Variants in MECOM observed in about 807,000 individuals in gnomAD.
MECOM encodes the protein MDS1 and EVI1 complex locus.
A neutral mutation model predicts 116.3 loss-of-function variants in MECOM; 13 were observed. The observed-to-expected ratio is 0.11, with a 90% CI of 0.07 to 0.18. The LOEUF (loss-of-function observed/expected upper bound fraction) is 0.18, where lower values mean the gene tolerates loss of function less well. Among genes scored for constraint, MECOM ranks in the 10% least tolerant of loss-of-function variants. The pLI is 1.00. For synonymous variants in MECOM, 528 were observed against 535.2 expected (o/e 0.99, Z 0.19); for missense variants, 1,299 against 1,509.0 (o/e 0.86, Z 2.31).
chr3:169,631,573 T>G (rs1057001103), intron 1 of MECOM, among the ~76,000 whole-genome samples: 1 of 150,658 alleles, frequency 6.6e-6, no homozygotes, highest in Non-Finnish European at 1.5e-5. Context: ...AACTCGTCAT[T>G]TAGCATTAGG....
chr3:169,325,838 T>A (rs1721744821), intron 2 of MECOM, among the ~76,000 whole-genome samples: 1 of 152,210 alleles, frequency 6.6e-6, no homozygotes, highest in South Asian at 2.1e-4. Flanking sequence ...TAAAGATCCA[T>A]GAAGTTGCGT....
chr3:169,366,380 A>C (rs1166625812), intron 2 of MECOM, among the ~76,000 whole-genome samples: 1 of 151,882 alleles, frequency 6.6e-6, no homozygotes, highest in Non-Finnish European at 1.5e-5. Flanking sequence ...AATTGCAATA[A>C]TACTACCTCA....
rs1005673341 is a variant in MECOM at position 169,084,904 on chromosome 3, T to C, written c.*5A>G. On this transcript the variant is annotated 3_prime_UTR_variant, in exon 17 of 17. Coordinates refer to ENST00000651503, the MANE Select transcript of MECOM (RefSeq NM_004991.4). ...TTGGTCCCACTCTGGTCAACCTTGA[T>C]AACGTCATACGTGGCTTATGGACTG... 18 of 1,613,892 alleles carry C rather than the reference T, an allele frequency of 1.1e-5. No homozygotes were observed. Among genetic ancestry groups the C allele is most frequent in the Non-Finnish European group, 1.4e-5 (17 of 1,179,954 alleles).
rs114636982 is a variant in MECOM at position 169,106,394 on chromosome 3, G to A, written c.2604+1532C>T. On this transcript the variant is annotated intron_variant, in intron 10 of 16. Transcript: ENST00000651503. ...ATACAACGTGAAATAATCATATCAC[G>A]GAGAATGGAATATTCATCCCCTCAA... Among the ~76,000 whole-genome samples the A allele has an allele frequency of 4.7e-3, 714 of 152,106 alleles. 9 individuals are homozygous for A. Among genetic ancestry groups the A allele is most frequent in the African/African-American group, 0.017 (686 of 41,528 alleles).
chr3:169,592,101 G>C (rs1766492466), intron 1 of MECOM, among the ~76,000 whole-genome samples: 1 of 152,138 alleles, frequency 6.6e-6, no homozygotes, highest in Admixed American at 6.5e-5. Flanking sequence ...CCTTCAACCA[G>C]TCTCGCTCTT....
intron 1 of MECOM, among the ~76,000 whole-genome samples, chr3:169,528,761 C>T (rs934916860): frequency 3.3e-5 from 5 of 152,182 alleles, no homozygotes; most frequent in East Asian, 3.8e-4. Context: ...AACTGGTTTG[C>T]GTTTCAGAAT....
chr3:169,658,915 T>C (rs1331312935), intron 1 of MECOM, among the ~76,000 whole-genome samples: 1 of 152,020 alleles, frequency 6.6e-6, no homozygotes, highest in African/African-American at 2.4e-5. Flanking sequence ...CTCCGCTCTC[T>C]TGTCCTTCTA....
intron 2 of MECOM, among the ~76,000 whole-genome samples, chr3:169,299,144 T>C (rs898341515): frequency 5.3e-5 from 8 of 152,140 alleles, no homozygotes; most frequent in South Asian, 2.1e-4. Flanking sequence ...TAGTTCTCAC[T>C]AGGAATTGCC....
chr3:169,405,016 AT>A (rs994672609), intron 1 of MECOM, among the ~76,000 whole-genome samples: 2 of 152,184 alleles, frequency 1.3e-5, no homozygotes, highest in African/African-American at 4.8e-5. Flanking sequence ...CCTTGAATGA[AT>A]TTTTAATAAA....
At chr3:169,316,137 T>C (rs1295773119) in intron 2 of MECOM, among the ~76,000 whole-genome samples, 4 of 152,226 alleles carry the variant, frequency 2.6e-5, no homozygotes, top group African/African-American at 9.6e-5. Flanking sequence ...TAGAAAACCA[T>C]TTGACAGGGC....
intron 2 of MECOM, among the ~76,000 whole-genome samples, chr3:169,165,513 A>G (rs556223308): frequency 6.6e-6 from 1 of 152,306 alleles, no homozygotes; most frequent in Non-Finnish European, 1.5e-5. Context: ...CAAGAGATCT[A>G]AAGATCTGCT....
At chr3:169,301,913 G>T (rs927130242) in intron 2 of MECOM, among the ~76,000 whole-genome samples, 2 of 151,958 alleles carry the variant, frequency 1.3e-5, no homozygotes, top group East Asian at 3.9e-4. Context: ...CACAAAGGAG[G>T]GGGGCTTAGC....
chr3:169,349,331 G>A (rs1254197449), intron 2 of MECOM, among the ~76,000 whole-genome samples: 1 of 151,768 alleles, frequency 6.6e-6, no homozygotes, highest in Non-Finnish European at 1.5e-5. Flanking sequence ...GTGAAAACAG[G>A]ACGATACTAT....
intron 2 of MECOM, among the ~76,000 whole-genome samples, chr3:169,191,494 G>T (rs1747540747): frequency 6.6e-6 from 1 of 151,752 alleles, no homozygotes; most frequent in Admixed American, 6.6e-5. Context: ...CTGAAGGTAA[G>T]ATGGATAAAA....
intron 2 of MECOM, among the ~76,000 whole-genome samples, chr3:169,181,130 C>T (rs566099838): frequency 6.6e-6 from 1 of 152,028 alleles, no homozygotes; most frequent in African/African-American, 2.4e-5. Context: ...GAATGAAAAA[C>T]AGAGATGCCC....
At chr3:169,105,064 G>A (rs116431758) in intron 10 of MECOM, among the ~76,000 whole-genome samples, 1,527 of 152,168 alleles carry the variant, frequency 0.01, 21 homozygotes, top group Non-Finnish European at 0.016. Flanking sequence ...GATGGGAAGC[G>A]AGCTGAGGGT....
At chr3:169,223,166 A>G (rs1752327142) in intron 2 of MECOM, among the ~76,000 whole-genome samples, 1 of 151,776 alleles carries the variant, frequency 6.6e-6, no homozygotes, top group African/African-American at 2.4e-5. Context: ...TCTAGGGTAC[A>G]TGTGCACAAC....
At chr3:169,504,269 T>G (rs1754934969) in intron 1 of MECOM, among the ~76,000 whole-genome samples, 1 of 146,554 alleles carries the variant, frequency 6.8e-6, no homozygotes. Flanking sequence ...ATGTGGGAGG[T>G]GGTTCAAACT....
chr3:169,209,118 G>A (rs1271352463), intron 2 of MECOM, among the ~76,000 whole-genome samples: 1 of 152,140 alleles, frequency 6.6e-6, no homozygotes, highest in East Asian at 1.9e-4. Flanking sequence ...TTAATAAATG[G>A]TGCTGGAAAA....
Sources: allele counts gnomAD v4.1 joint callset (sites outside exome capture counted in the v4.1 genomes callset), GRCh38; gene constraint gnomAD v4.1.1; transcripts MANE v1.5; gene names NCBI Gene and HGNC (gene_info 2026-07-23, HGNC 2026-07-21).